The following CNTNAP2 variants were observed in gnomAD, a reference collection of about 807,000 sequenced individuals.
The protein encoded by CNTNAP2 is contactin associated protein 2.
In CNTNAP2, 98 loss-of-function variants were observed where a neutral mutation model predicts 155.2. The ratio of observed to expected loss-of-function variants is 0.63; its 90% CI spans 0.54 to 0.75. CNTNAP2 has a LOEUF of 0.75. CNTNAP2 is among the 30% of genes least tolerant of loss of function. The pLI is 0.00. For missense variants in CNTNAP2, 1,727 were observed against 1,688.1 expected, an observed-to-expected ratio of 1.02 and a Z score of -0.40; for synonymous variants, 651 against 631.2, an observed-to-expected ratio of 1.03 and a Z score of -0.47.
At chr7:147,699,933 A>G (rs1472651275) in intron 13 of CNTNAP2, among the ~76,000 whole-genome samples, 1 of 152,134 alleles carries the variant, frequency 6.6e-6, no homozygotes, top group Non-Finnish European at 1.5e-5. Context: ...GAATCACACA[A>G]TATGTGGCTT....
rs556490396 is a variant in CNTNAP2 at position 146,617,912 on chromosome 7, G to T, written c.98-156359G>T. Among the ~76,000 whole-genome samples, 14 of 152,158 alleles carry T rather than the reference G, an allele frequency of 9.2e-5. No individual in the cohort carries two copies. The South Asian group carries it at 2.9e-3, about 32-fold the overall frequency. On this transcript the variant is annotated intron_variant, in intron 1 of 23. Coordinates refer to ENST00000361727, the MANE Select transcript of CNTNAP2 (RefSeq NM_014141.6). Reference sequence around the variant, plus strand: ...GGATGTTGTCTTTTGTGAGTGTACTGCCTCAATTCATATGTATATGCCTGA... The same window carrying T: ...GGATGTTGTCTTTTGTGAGTGTACTTCCTCAATTCATATGTATATGCCTGA...
intron 3 of CNTNAP2, among the ~76,000 whole-genome samples, chr7:146,846,085 G>A (rs1400225310): frequency 1.3e-5 from 2 of 152,058 alleles, no homozygotes; most frequent in Middle Eastern, 3.2e-3. Context: ...CTAGAATTTT[G>A]TCTGCATGCG....
chr7:146,758,181 A>T (rs1585076428), intron 1 of CNTNAP2, among the ~76,000 whole-genome samples: 2 of 151,878 alleles, frequency 1.3e-5, no homozygotes, highest in Non-Finnish European at 2.9e-5. Context: ...ACTTCCCAAA[A>T]CCCACCTGGC....
chr7:148,115,089 A>T (rs1046403619), intron 15 of CNTNAP2, among the ~76,000 whole-genome samples: 10 of 152,236 alleles, frequency 6.6e-5, no homozygotes, highest in African/African-American at 2.2e-4. Context: ...TGTACAAGGC[A>T]TGACTTCCCC....
chr7:147,085,750 C>T (rs372381882), intron 4 of CNTNAP2: 1 of 152,174 alleles, frequency 6.6e-6, no homozygotes, highest in African/African-American at 2.4e-5. Context: ...CATGTCTCAT[C>T]GTTTTATTAG....
At chr7:147,521,123 C>T (rs1584788415) in intron 11 of CNTNAP2, among the ~76,000 whole-genome samples, 1 of 152,160 alleles carries the variant, frequency 6.6e-6, no homozygotes, top group East Asian at 1.9e-4. Flanking sequence ...TCTGCCTTTC[C>T]TGGCTAATTT....
At chr7:147,137,104 A>G (rs1443950103) in intron 8 of CNTNAP2, among the ~76,000 whole-genome samples, 1 of 151,748 alleles carries the variant, frequency 6.6e-6, no homozygotes, top group Non-Finnish European at 1.5e-5. Flanking sequence ...AGAAGCACCC[A>G]GAGTTATTTA....
intron 18 of CNTNAP2, among the ~76,000 whole-genome samples, chr7:148,194,295 C>G (rs553283542): frequency 1.1e-4 from 16 of 152,108 alleles, no homozygotes; most frequent in Middle Eastern, 6.8e-3. Flanking sequence ...ACACTCCTGG[C>G]CTCTTTCAAG....
intron 9 of CNTNAP2, among the ~76,000 whole-genome samples, chr7:147,356,705 GA>G (rs1458072830): frequency 6.6e-6 from 1 of 152,068 alleles, no homozygotes; most frequent in Admixed American, 6.6e-5. Context: ...AATATTTCAT[GA>G]AAAAACACTT....
intron 13 of CNTNAP2, among the ~76,000 whole-genome samples, chr7:147,679,851 C>A (rs560957384): frequency 1.3e-5 from 2 of 151,918 alleles, no homozygotes; most frequent in South Asian, 2.1e-4. Context: ...TAAAAATAAA[C>A]CCCAAATCTA....
chr7:148,324,443 T>C (rs1368162199), intron 21 of CNTNAP2, among the ~76,000 whole-genome samples: 3 of 152,210 alleles, frequency 2.0e-5, no homozygotes, highest in Non-Finnish European at 4.4e-5. Context: ...CAAAGCATTC[T>C]ATGCATTTCA....
chr7:146,529,645 A>G (rs73741733), intron 1 of CNTNAP2, among the ~76,000 whole-genome samples: 11,958 of 152,066 alleles, frequency 0.079, 1,132 homozygotes, highest in African/African-American at 0.23. Flanking sequence ...ATGGGCAGGA[A>G]AGCAGGCAGC....
At chr7:148,414,107 C>G (rs375185968) in intron 23 of CNTNAP2, among the ~76,000 whole-genome samples, 2,538 of 146,342 alleles carry the variant, frequency 0.017, 105 homozygotes, top group African/African-American at 0.061. Flanking sequence ...AGTCCCCCCC[C>G]CCCCCCTCAC....
At chr7:148,280,955 A>G (rs1334707123) in intron 21 of CNTNAP2, among the ~76,000 whole-genome samples, 1 of 152,010 alleles carries the variant, frequency 6.6e-6, no homozygotes, top group Non-Finnish European at 1.5e-5. Flanking sequence ...AAGCAATAAA[A>G]GTAAAAGAAG....
intron 1 of CNTNAP2, among the ~76,000 whole-genome samples, chr7:146,502,222 T>A (rs1797311300): frequency 1.2e-5 from 1 of 82,202 alleles, no homozygotes; most frequent in Non-Finnish European, 2.1e-5. Flanking sequence ...TGTATATATA[T>A]GAATATATAT....
At chr7:147,251,319 G>A (rs917749273) in intron 8 of CNTNAP2, among the ~76,000 whole-genome samples, 1 of 152,162 alleles carries the variant, frequency 6.6e-6, no homozygotes, top group East Asian at 1.9e-4. Flanking sequence ...GGATCAGGAC[G>A]AGGCATTGTT....
At chr7:146,750,148 C>G (rs570486819) in intron 1 of CNTNAP2, among the ~76,000 whole-genome samples, 1 of 152,204 alleles carries the variant, frequency 6.6e-6, no homozygotes, top group Non-Finnish European at 1.5e-5. Flanking sequence ...CCCAAACAAG[C>G]CAAATTATCT....
intron 15 of CNTNAP2, among the ~76,000 whole-genome samples, chr7:148,015,317 C>A (rs1343450926): frequency 6.6e-6 from 1 of 152,160 alleles, no homozygotes; most frequent in Non-Finnish European, 1.5e-5. Context: ...CCAAGCTGAG[C>A]TGGATCTCCC....
intron 10 of CNTNAP2, among the ~76,000 whole-genome samples, chr7:147,407,571 A>G (rs1797031153): frequency 1.3e-5 from 2 of 150,716 alleles, no homozygotes; most frequent in South Asian, 2.1e-4. Flanking sequence ...TTAATCTCCT[A>G]TGAAGGTCAA....
Sources: allele counts gnomAD v4.1 joint callset (sites outside exome capture counted in the v4.1 genomes callset), GRCh38; gene constraint gnomAD v4.1.1; transcripts MANE v1.5; gene names NCBI Gene and HGNC (gene_info 2026-07-23, HGNC 2026-07-21).